Variants in NCKAP5 observed in about 807,000 individuals in gnomAD.
NCKAP5 encodes the protein NCK associated protein 5.
Under a neutral mutation model 167.0 loss-of-function variants are expected in NCKAP5, and 92 were observed. That is an observed-to-expected ratio of 0.55 (90% CI 0.47 to 0.66). The LOEUF (loss-of-function observed/expected upper bound fraction) is 0.66. Ranked by LOEUF, NCKAP5 falls within the 30% of genes least tolerant of loss-of-function variation. The pLI is 0.00. For synonymous variants in NCKAP5, 891 were observed against 877.4 expected, an observed-to-expected ratio of 1.02 and a Z score of -0.27; for missense variants, 2,378 against 2,315.0, an observed-to-expected ratio of 1.03 and a Z score of -0.56.
intron 4 of NCKAP5, among the ~76,000 whole-genome samples, chr2:133,216,466 C>G (rs1200718870): frequency 6.6e-6 from 1 of 151,894 alleles, no homozygotes; most frequent in Non-Finnish European, 1.5e-5. Flanking sequence ...TATTTTAAAG[C>G]TTAAGAACAA....
chr2:133,230,649 C>T (rs1253470386), intron 4 of NCKAP5, among the ~76,000 whole-genome samples: 1 of 152,156 alleles, frequency 6.6e-6, no homozygotes, highest in Non-Finnish European at 1.5e-5. Flanking sequence ...TTTACTCTTG[C>T]TGACCCAAAG....
chr2:133,606,729 T>G, the NCKAP5 span, among the ~76,000 whole-genome samples: 4 of 97,004 alleles, frequency 4.1e-5, no homozygotes, highest in Non-Finnish European at 7.9e-5. Context: ...GTTGCAGAAA[T>G]GGAAAGGAGT....
rs147032158 is a variant in NCKAP5 at position 132,704,003 on chromosome 2, C to T, written c.5713+21624G>A. Among the ~76,000 whole-genome samples, 152 of 152,246 alleles carry T rather than the reference C, an allele frequency of 1.0e-3. 4 individuals carry two copies. In the East Asian group the frequency reaches 0.024, roughly 24 times the overall value. On this transcript the variant is annotated intron_variant, in intron 19 of 19. Transcript: ENST00000409261. ...CCCCTTAGTCACATCTGAATGACCC[C>T]TGTTGAAGCCATCTCTTACCCTTCT...
intron 3 of NCKAP5, among the ~76,000 whole-genome samples, chr2:133,332,798 T>C (rs912241519): frequency 1.3e-5 from 2 of 152,188 alleles, no homozygotes; most frequent in African/African-American, 4.8e-5. Context: ...TTCCTTCACC[T>C]CACAGATGGG....
At chr2:133,596,781 CA>C in the NCKAP5 span, among the ~76,000 whole-genome samples, 58,624 of 151,930 alleles carry the variant, frequency 0.39, 12,859 homozygotes, top group East Asian at 0.61. Flanking sequence ...GAAAAATAAA[CA>C]CATGGCTTAT....
At chr2:133,666,764 T>G in the NCKAP5 span, among the ~76,000 whole-genome samples, 1 of 151,980 alleles carries the variant, frequency 6.6e-6, no homozygotes, top group African/African-American at 2.4e-5. Context: ...GTAAAATGCT[T>G]TCCATAAAAG....
rs140739862 is a variant in NCKAP5, at chr2:133,075,731, A to T, written c.341+54247T>A. Among the ~76,000 whole-genome samples, 1,122 of 152,330 alleles carry T rather than the reference A, an allele frequency of 7.4e-3. 4 individuals are homozygous for T. Among genetic ancestry groups the T allele is most frequent in the Non-Finnish European group, 0.011 (755 of 68,022 alleles). On this transcript the variant is annotated intron_variant, in intron 6 of 19. Transcript: ENST00000409261. The stretch of plus-strand genomic sequence containing the variant: ...ACTCAAAGAAATACATTTGAAAAAC[A>T]ATAGATAGGTTTTAAATTTTCAAAT...
rs768488639 is a variant in NCKAP5 at position 132,692,649 on chromosome 2, A to G, written c.5714-19344T>C. On this transcript the variant is annotated intron_variant, in intron 19 of 19. Transcript: ENST00000409261. ...ATGATGAACCTATGTCACACTGTGA[A>G]AAACAAGTGGCACCAAGAAATAGTT... 4.1e-4 allele frequency among the ~76,000 whole-genome samples: 62 copies of G among 152,200 alleles called. 2 individuals are homozygous for G. Among genetic ancestry groups the G allele is most frequent in the Non-Finnish European group, 1.3e-4 (9 of 68,040 alleles).
intron 3 of NCKAP5, among the ~76,000 whole-genome samples, chr2:133,363,906 T>C (rs563355851): frequency 6.8e-4 from 104 of 152,334 alleles, no homozygotes; most frequent in Admixed American, 1.0e-3. Flanking sequence ...ATTTACATTT[T>C]GCTTCTGAGT....
chr2:133,147,748 T>C (rs904665097), intron 5 of NCKAP5, among the ~76,000 whole-genome samples: 11 of 152,138 alleles, frequency 7.2e-5, no homozygotes, highest in African/African-American at 1.2e-4. Context: ...GTTTAGTGTA[T>C]GTGAAACCCC....
intron 19 of NCKAP5, among the ~76,000 whole-genome samples, chr2:132,722,274 C>T (rs984113815): frequency 2.6e-5 from 4 of 152,166 alleles, no homozygotes; most frequent in Admixed American, 2.6e-4. Flanking sequence ...ACACTTAGAC[C>T]ATCCTCCCCC....
chr2:132,752,058 G>A (rs1680159746), intron 16 of NCKAP5, among the ~76,000 whole-genome samples: 1 of 152,240 alleles, frequency 6.6e-6, no homozygotes, highest in Non-Finnish European at 1.5e-5. Flanking sequence ...TCTACAAGAA[G>A]AGCAACTCTC....
intron 6 of NCKAP5, among the ~76,000 whole-genome samples, chr2:132,998,887 T>G (rs1384389934): frequency 6.6e-6 from 1 of 152,164 alleles, no homozygotes; most frequent in Non-Finnish European, 1.5e-5. Context: ...AAATAGCTGG[T>G]TGCAATTTAT....
chr2:132,768,904 G>A (rs1681768746), intron 16 of NCKAP5, among the ~76,000 whole-genome samples: 1 of 147,774 alleles, frequency 6.8e-6, no homozygotes, highest in African/African-American at 2.5e-5. Flanking sequence ...CTCCCAAAGT[G>A]CTGGGATTAC....
At chr2:133,409,698 T>C (rs1301254651) in intron 3 of NCKAP5, among the ~76,000 whole-genome samples, 1 of 152,184 alleles carries the variant, frequency 6.6e-6, no homozygotes, top group East Asian at 1.9e-4. Context: ...TGCATGTGTA[T>C]GCAATGTTGT....
chr2:133,008,427 A>G (rs2078041335), intron 6 of NCKAP5, among the ~76,000 whole-genome samples: 1 of 152,202 alleles, frequency 6.6e-6, no homozygotes, highest in African/African-American at 2.4e-5. Context: ...CTTCAGTAAG[A>G]CAGTTAATAG....
At chr2:133,504,921 C>A (rs1266811122) in intron 3 of NCKAP5, among the ~76,000 whole-genome samples, 1 of 152,124 alleles carries the variant, frequency 6.6e-6, no homozygotes, top group East Asian at 1.9e-4. Flanking sequence ...CCCCCCAAAA[C>A]TCATCTCCCA....
the NCKAP5 span, among the ~76,000 whole-genome samples, chr2:133,619,469 C>G: frequency 6.6e-6 from 1 of 151,610 alleles, no homozygotes; most frequent in African/African-American, 2.4e-5. Context: ...AGCAATAGAT[C>G]GAACAAGCAG....
At chr2:132,862,978 C>T (rs550133440) in intron 10 of NCKAP5, among the ~76,000 whole-genome samples, 5 of 152,060 alleles carry the variant, frequency 3.3e-5, no homozygotes, top group East Asian at 3.9e-4. Context: ...TGTGCCACCA[C>T]GCCTGGCTAA....
Sources: allele counts gnomAD v4.1 joint callset (sites outside exome capture counted in the v4.1 genomes callset), GRCh38; gene constraint gnomAD v4.1.1; transcripts MANE v1.5; gene names NCBI Gene and HGNC (gene_info 2026-07-23, HGNC 2026-07-21).